Variants in PCDH7 observed in about 807,000 individuals in gnomAD.
PCDH7 encodes the protein protocadherin 7.
PCDH7 carries 17 observed loss-of-function variants against 58.9 expected under a neutral mutation model. The observed-to-expected ratio is 0.29, with a 90% confidence interval of 0.20 to 0.43. The LOEUF (loss-of-function observed/expected upper bound fraction) is 0.43. Ranked by LOEUF, PCDH7 falls within the 20% of genes least tolerant of loss-of-function variation. The pLI is 1.00. For synonymous variants in PCDH7, 664 were observed against 616.4 expected, an observed-to-expected ratio of 1.08 and a Z score of -1.14; for missense variants, 1,274 against 1,441.0, an observed-to-expected ratio of 0.88 and a Z score of 1.88.
chr4:30,915,074 C>G (rs1247733919), intron 1 of PCDH7, among the ~76,000 whole-genome samples: 1 of 152,024 alleles, frequency 6.6e-6, no homozygotes, highest in African/African-American at 2.4e-5. Context: ...CATTCTGCTC[C>G]CACCTTATCT....
rs1317113059 is a variant in PCDH7 at position 30,747,895 on chromosome 4, G to A, written c.70+23299G>A. ...TATTATTTGGGTAGACTCCAGTCAG[G>A]CTTTCTTTTTTTCTGTGCAATCTCA... is the stretch of plus-strand genomic sequence containing the variant. On this transcript the variant is annotated intron_variant, in intron 1 of 3. Transcript: ENST00000509759. Among the ~76,000 whole-genome samples the A allele has an allele frequency of 3.3e-5, 5 of 152,194 alleles. No homozygotes were observed. In the South Asian group the frequency reaches 1.0e-3, roughly 32 times the overall value.
chr4:30,968,355 C>T (rs71602675), intron 3 of PCDH7, among the ~76,000 whole-genome samples: 27,250 of 72,478 alleles, frequency 0.38, 5,183 homozygotes, highest in South Asian at 0.4. Context: ...TATATATACA[C>T]ACACTATATA....
At chr4:30,836,372 G>C (rs918381504) in intron 1 of PCDH7, among the ~76,000 whole-genome samples, 1 of 152,198 alleles carries the variant, frequency 6.6e-6, no homozygotes, top group African/African-American at 2.4e-5. Context: ...ACAGGAGGAA[G>C]TGACCATATG....
chr4:31,054,253 AC>A (rs1756973296), intron 3 of PCDH7, among the ~76,000 whole-genome samples: 1 of 152,186 alleles, frequency 6.6e-6, no homozygotes, highest in Admixed American at 6.5e-5. Context: ...GGCTTAAGCC[AC>A]CACGTCCGGC....
intron 2 of PCDH7, among the ~76,000 whole-genome samples, chr4:30,937,201 C>T (rs1192174027): frequency 6.6e-6 from 1 of 151,956 alleles, no homozygotes; most frequent in East Asian, 1.9e-4. Context: ...TTCTAATATT[C>T]TCAGTAATGT....
Position 30,724,063 on chromosome 4 carries a change from G to A in PCDH7, c.2641G>A (p.Val881Ile), listed in dbSNP as rs868472207. The change falls in exon 1 of 2, where the codon GTC becomes ATC. Residue 881 changes from valine to isoleucine, a missense_variant. Physicochemically the swap from Val to Ile is conservative, Grantham distance 29. Around this residue, in one of 3 missense-constraint regions of PCDH7, gnomAD observed 731 missense variants for 881.9 expected, o/e 0.83. Coordinates refer to ENST00000361762, the Ensembl canonical transcript of PCDH7. ...AATTAGCAAACAGAGACTCAGTATT[G>A]TCATTGGCGTGGTTGCTGGCATTAT... 6.2e-7 allele frequency: 1 copy of A among 1,613,926 alleles called. No homozygotes were observed. The highest frequency in any genetic ancestry group is 1.3e-5 in the African/African-American group (1 of 74,876).
At chr4:30,725,797 A>G (rs920300096) in intron 1 of PCDH7, among the ~76,000 whole-genome samples, 2 of 152,158 alleles carry the variant, frequency 1.3e-5, no homozygotes, top group Non-Finnish European at 2.9e-5. Flanking sequence ...GTTATTTTAT[A>G]GCCTCATTGA....
intron 3 of PCDH7, among the ~76,000 whole-genome samples, chr4:30,984,859 T>C (rs1226103118): frequency 6.6e-6 from 1 of 152,126 alleles, no homozygotes; most frequent in African/African-American, 2.4e-5. Flanking sequence ...TAAAGAGAAA[T>C]GTCCCTGAAA....
chr4:30,739,705 A>G (rs903489950), intron 1 of PCDH7, among the ~76,000 whole-genome samples: 2 of 152,200 alleles, frequency 1.3e-5, no homozygotes, highest in Non-Finnish European at 2.9e-5. Context: ...GGACGTATTC[A>G]TATGCATATA....
intron 1 of PCDH7, among the ~76,000 whole-genome samples, chr4:30,883,234 G>A (rs6842896): frequency 0.37 from 56,040 of 152,032 alleles, 10,777 homozygotes; most frequent in African/African-American, 0.44. Flanking sequence ...AAAAAACCTA[G>A]GAACATAAAA....
chr4:31,108,219 G>T (rs996546366), intron 3 of PCDH7, among the ~76,000 whole-genome samples: 6 of 151,414 alleles, frequency 4.0e-5, no homozygotes, highest in African/African-American at 1.2e-4. Context: ...CCTAGTAAAA[G>T]GTGAGTTTTT....
intron 1 of PCDH7, among the ~76,000 whole-genome samples, chr4:30,730,221 CATTT>C (rs1715284554): frequency 6.6e-6 from 1 of 151,892 alleles, no homozygotes; most frequent in East Asian, 1.9e-4. Context: ...GTTTCCCATT[CATTT>C]ATTTACTATG....
At chr4:30,727,970 G>A (rs1714866137) in intron 1 of PCDH7, among the ~76,000 whole-genome samples, 3 of 151,596 alleles carry the variant, frequency 2.0e-5, no homozygotes, top group African/African-American at 7.3e-5. Context: ...TGGAAAGTAA[G>A]GTAATTTATT....
intron 1 of PCDH7, among the ~76,000 whole-genome samples, chr4:30,894,391 A>G (rs1462480347): frequency 6.9e-6 from 1 of 145,200 alleles, no homozygotes; most frequent in East Asian, 2.2e-4. Context: ...GTAGCTTTCC[A>G]GATAAGCTCA....
Position 31,022,298 on chromosome 4 carries a change from T to A in PCDH7, c.*7+72083T>A, listed in dbSNP as rs535441138. Among the ~76,000 whole-genome samples the A allele has an allele frequency of 1.8e-4, 27 of 152,322 alleles. No individual in the cohort carries two copies. In the South Asian group the frequency reaches 5.4e-3, roughly 30 times the overall value. ...TCTTAGCACCATGGAGATTTTGTGA[T>A]TTTTCACAGTTGATGATGATTATTT... On this transcript the variant is annotated intron_variant, in intron 3 of 3. Transcript: ENST00000509759.
At chr4:30,803,205 T>C (rs1051953823) in intron 1 of PCDH7, among the ~76,000 whole-genome samples, 1 of 152,148 alleles carries the variant, frequency 6.6e-6, no homozygotes, top group African/African-American at 2.4e-5. Flanking sequence ...TTCACAATTT[T>C]AGATATTACA....
At chr4:30,873,499 T>C (rs1735883833) in intron 1 of PCDH7, among the ~76,000 whole-genome samples, 1 of 152,146 alleles carries the variant, frequency 6.6e-6, no homozygotes, top group Admixed American at 6.6e-5. Flanking sequence ...AAATTTAATT[T>C]GAGATCTATA....
intron 2 of PCDH7, among the ~76,000 whole-genome samples, chr4:30,929,894 G>A (rs1271537345): frequency 6.6e-6 from 1 of 152,094 alleles, no homozygotes; most frequent in African/African-American, 2.4e-5. Context: ...GTAGCCAAAG[G>A]TCCTAGCAGC....
chr4:30,802,709 G>A (rs1725682816), intron 1 of PCDH7, among the ~76,000 whole-genome samples: 1 of 151,990 alleles, frequency 6.6e-6, no homozygotes, highest in African/African-American at 2.4e-5. Flanking sequence ...GAGGTTGAGG[G>A]GAATGAGGAT....
Sources: allele counts gnomAD v4.1 joint callset (sites outside exome capture counted in the v4.1 genomes callset), GRCh38; gene constraint gnomAD v4.1.1; regional missense constraint gnomAD v4.1.1; transcripts MANE v1.5; gene names NCBI Gene and HGNC (gene_info 2026-07-23, HGNC 2026-07-21).